The following MYLK variants were observed in gnomAD, a reference collection of about 807,000 sequenced individuals.
The protein encoded by MYLK is myosin light chain kinase, also known as myosin light chain kinase, smooth muscle.
Under a neutral mutation model 203.4 loss-of-function variants are expected in MYLK, and 106 were observed. The ratio of observed to expected loss-of-function variants is 0.52; its 90% CI spans 0.45 to 0.61. The LOEUF (loss-of-function observed/expected upper bound fraction) is 0.61. Ranked by LOEUF, MYLK falls within the 20% of genes least tolerant of loss-of-function variation. The pLI is 0.00. For synonymous variants in MYLK, 867 were observed against 959.5 expected, an observed-to-expected ratio of 0.90 and a Z score of 1.78; for missense variants, 2,072 against 2,442.3, an observed-to-expected ratio of 0.85 and a Z score of 3.20.
chr3:123,752,525 G>A lies in MYLK; in HGVS notation c.179C>T (p.Pro60Leu), dbSNP rs1060502532. Reference protein sequence around the residue: ...AKFEGRVRGYPEPQVTWHRNG... With the variant: ...AKFEGRVRGYLEPQVTWHRNG... Reference sequence around the variant, plus strand: ...TCTGTGCCATGTCACCTGGGGCTCTGGGTAACCCCGGACCTTCAAGAAAAA... The same window carrying A: ...TCTGTGCCATGTCACCTGGGGCTCTAGGTAACCCCGGACCTTCAAGAAAAA... The change falls in exon 5 of 34, where the codon CCA (proline) becomes CTA (leucine). Residue 60 changes from proline (P) to leucine (L), a missense_variant. By Grantham distance (98) the Pro-to-Leu change is moderately conservative. Around this residue, in one of 3 missense-constraint regions of MYLK, gnomAD observed 683 missense variants for 643.8 expected, o/e 1.06. Coordinates refer to ENST00000360304, the MANE Select transcript of MYLK (RefSeq NM_053025.4). 2 of 1,613,392 alleles carry A rather than the reference G, an allele frequency of 1.2e-6. No individual in the cohort carries two copies. The highest frequency in any genetic ancestry group is 4.5e-5 in the East Asian group (2 of 44,844).
intron 4 of MYLK, among the ~76,000 whole-genome samples, chr3:123,773,833 C>T (rs546944704): frequency 6.6e-6 from 1 of 152,266 alleles, no homozygotes; most frequent in African/African-American, 2.4e-5. Context: ...GCCACGAAAA[C>T]GTTGCACTGG....
intron 2 of MYLK, among the ~76,000 whole-genome samples, chr3:123,866,171 CA>C (rs749230646): frequency 2.6e-4 from 40 of 152,168 alleles, no homozygotes; most frequent in Non-Finnish European, 4.7e-4. Flanking sequence ...CAGAGCATAA[CA>C]AAATGATTGT....
Position 123,629,336 on chromosome 3 carries a change from T to A in MYLK, c.5114+138A>T. 9.5e-7 allele frequency: 1 copy of A among 1,057,814 alleles called. No individual in the cohort carries two copies. The allele number at this position is 1,057,814 out of a possible 1,614,324, so 65.5% of individuals were successfully genotyped here. ...TTCGGGTCTCTTACCATGCCCACCC[T>A]CCCTTCCTCAGGGAATGCTAGGAAC... On this transcript the variant is annotated intron_variant, in intron 30 of 33. Transcript: ENST00000360304. The surrounding 1 kb of genome is among the most constrained non-coding windows in gnomAD (Gnocchi z 4.4).
At chr3:123,780,189 T>G (rs2064239231) in intron 4 of MYLK, among the ~76,000 whole-genome samples, 1 of 152,194 alleles carries the variant, frequency 6.6e-6, no homozygotes, top group African/African-American at 2.4e-5. Context: ...ATCCCAGCAC[T>G]TCGGGCGGCC....
At position 123,772,764 on chromosome 3, in the gene MYLK, T is replaced by C. The variant is rs547224516; in HGVS notation, c.166-20226A>G. Among the ~76,000 whole-genome samples, 23 of 152,122 alleles carry C rather than the reference T, an allele frequency of 1.5e-4. No individual in the cohort carries two copies. The South Asian group carries it at 4.8e-3, about 32-fold the overall frequency. The stretch of plus-strand genomic sequence containing the variant: ...GAAGTAGCCAAACATATAAAAATGT[T>C]TAAAATTAATCAAACAAACGTAAAA... On this transcript the variant is annotated intron_variant, in intron 4 of 33. Coordinates refer to ENST00000360304, the MANE Select transcript of MYLK (RefSeq NM_053025.4).
At chr3:123,689,256 G>C (rs820378) in intron 19 of MYLK, among the ~76,000 whole-genome samples, 144,039 of 152,168 alleles carry the variant, frequency 0.95, 68,707 homozygotes, top group East Asian at 1. Context: ...TGTTTTTTGA[G>C]TCCTCTCATG....
intron 4 of MYLK, among the ~76,000 whole-genome samples, chr3:123,764,351 C>T (rs1490729380): frequency 1.3e-5 from 2 of 152,088 alleles, no homozygotes; most frequent in African/African-American, 4.8e-5. Flanking sequence ...ATGTGTCAGA[C>T]CTCATGGTAG....
In MYLK at chr3:123,626,799, A is replaced by C; in HGVS notation, c.5238+19T>G. Reference sequence around the variant, plus strand: ...AATATGAGGGGCAACATCCCAGTCCAAAGTGACCCTCTCATTACCTGCCAT... The same window carrying C: ...AATATGAGGGGCAACATCCCAGTCCCAAGTGACCCTCTCATTACCTGCCAT... On this transcript the variant is annotated intron_variant, in intron 31 of 33. Coordinates refer to ENST00000360304, the MANE Select transcript of MYLK (RefSeq NM_053025.4). 2 of 1,614,180 alleles carry C rather than the reference A, an allele frequency of 1.2e-6. No homozygotes were observed. The highest frequency in any genetic ancestry group is 2.2e-5 in the South Asian group (2 of 91,080).
chr3:123,739,018 C>A lies in MYLK; in HGVS notation c.467G>T (p.Trp156Leu), dbSNP rs146339915. 1.4e-5 allele frequency: 22 copies of A among 1,613,804 alleles called. No homozygotes were observed. The African/African-American group carries it at 2.8e-4, about 21-fold the overall frequency. ...APAVETRPSIWGECPPKFATK... is the reference protein window; with the variant it reads ...APAVETRPSILGECPPKFATK... ...AGCAAACTTTGGTGGGCACTCCCCC[C>A]AGATGCTAGGACGGGTCTCCACTGC... Residue 156 changes from tryptophan to leucine, a missense_variant, in exon 7 of 34, where the codon TGG (tryptophan) becomes TTG (leucine). This residue lies in a region of MYLK where 683 missense variants were observed against 643.8 expected (regional missense o/e 1.06). Transcript: ENST00000360304.
intron 3 of MYLK, among the ~76,000 whole-genome samples, chr3:123,823,582 C>T (rs574457003): frequency 1.1e-4 from 16 of 152,300 alleles, no homozygotes; most frequent in Admixed American, 7.2e-4. Flanking sequence ...ATCCAAGGCA[C>T]CATTGTCATG....
intron 4 of MYLK, among the ~76,000 whole-genome samples, chr3:123,752,893 G>A (rs1393489449): frequency 1.3e-5 from 2 of 152,184 alleles, no homozygotes; most frequent in Non-Finnish European, 2.9e-5. Flanking sequence ...GACTGAGTAC[G>A]GGGATTCTAG....
At chr3:123,674,161 T>C (rs2060002898) in intron 20 of MYLK, among the ~76,000 whole-genome samples, 2 of 151,940 alleles carry the variant, frequency 1.3e-5, no homozygotes, top group African/African-American at 4.8e-5. Context: ...CAAGACCTTT[T>C]CCCCAAACCT....
chr3:123,781,082 T>A (rs900648460), intron 4 of MYLK, among the ~76,000 whole-genome samples: 3 of 152,016 alleles, frequency 2.0e-5, no homozygotes, highest in African/African-American at 7.3e-5. Flanking sequence ...AAGAGGCAAA[T>A]CCCGGGACCT....
rs114113178 is a variant in MYLK at position 123,776,209 on chromosome 3, C to T, written c.165+17468G>A. On this transcript the variant is annotated intron_variant, in intron 4 of 33. Transcript: ENST00000360304. The stretch of plus-strand genomic sequence containing the variant: ...TCTTGGTTTGGAGGGAACCAAGCTA[C>T]GAGCTGGGGCAGGAAGGAGTTGGTG... Among the ~76,000 whole-genome samples the T allele has an allele frequency of 8.3e-3, 1,262 of 152,248 alleles. 22 individuals are homozygous for T. The highest frequency in any genetic ancestry group is 0.029 in the African/African-American group (1,200 of 41,538).
intron 5 of MYLK, among the ~76,000 whole-genome samples, chr3:123,741,360 T>C (rs986756264): frequency 6.6e-6 from 1 of 152,256 alleles, no homozygotes; most frequent in African/African-American, 2.4e-5. Context: ...GTGATTACGA[T>C]ACAGGCATTT....
At chr3:123,857,605 C>A (rs1330568204) in intron 2 of MYLK, among the ~76,000 whole-genome samples, 20 of 140,492 alleles carry the variant, frequency 1.4e-4, no homozygotes, top group Non-Finnish European at 2.7e-4. Flanking sequence ...AATGAGAACA[C>A]ATGGACACAG....
chr3:123,660,567 A>G (rs926899177), intron 23 of MYLK, among the ~76,000 whole-genome samples: 22 of 152,204 alleles, frequency 1.4e-4, no homozygotes, highest in Admixed American at 9.2e-4. Flanking sequence ...TATAATAATA[A>G]TAAGTCTCCA....
chr3:123,782,961 C>T lies in MYLK; in HGVS notation c.165+10716G>A, dbSNP rs114687849. ...TCTATGGTTGTGATCAGAGTGTGCA[C>T]AGTGTTTGTTCTACTTTTCTTCCTA... On this transcript the variant is annotated intron_variant, in intron 4 of 33. Transcript: ENST00000360304. 1.7e-3 allele frequency among the ~76,000 whole-genome samples: 254 copies of T among 152,318 alleles called. 2 individuals are homozygous for T. Among genetic ancestry groups the T allele is most frequent in the African/African-American group, 5.9e-3 (244 of 41,578 alleles).
intron 4 of MYLK, among the ~76,000 whole-genome samples, chr3:123,776,969 G>C (rs1003995320): frequency 6.6e-6 from 1 of 152,218 alleles, no homozygotes; most frequent in South Asian, 2.1e-4. Flanking sequence ...CTATAGGACA[G>C]AACGATTAAA....
Sources: allele counts gnomAD v4.1 joint callset (sites outside exome capture counted in the v4.1 genomes callset), GRCh38; gene constraint gnomAD v4.1.1; regional missense constraint gnomAD v4.1.1; non-coding constraint Gnocchi (gnomAD v3.1); transcripts MANE v1.5; gene names NCBI Gene and HGNC (gene_info 2026-07-23, HGNC 2026-07-21).